Variants in ZNF786 observed in about 807,000 individuals in gnomAD.
ZNF786 encodes the protein zinc finger protein 786.
A neutral mutation model predicts 63.1 loss-of-function variants in ZNF786; 56 were observed. That is an observed-to-expected ratio of 0.89 (90% CI 0.72 to 1.11). The LOEUF is 1.11. Ranked by LOEUF, ZNF786 falls within the 50% of genes least tolerant of loss-of-function variation. The pLI, the probability that ZNF786 is intolerant of heterozygous loss-of-function variation, is 0.00. For missense variants in ZNF786, 1,213 were observed against 1,041.8 expected (o/e 1.16, Z -2.26); for synonymous variants, 485 against 406.9 (o/e 1.19, Z -2.31).
chr7:149,083,211 T>G (rs1409854454), intron 1 of ZNF786, among the ~76,000 whole-genome samples: 1 of 151,774 alleles, frequency 6.6e-6, no homozygotes, highest in African/African-American at 2.4e-5. Flanking sequence ...TAGTCATCTT[T>G]AAATTTTTTT....
chr7:149,087,970 G>A (rs894296596), intron 1 of ZNF786, among the ~76,000 whole-genome samples: 1 of 149,368 alleles, frequency 6.7e-6, no homozygotes, highest in African/African-American at 2.5e-5. Flanking sequence ...TCTGTAGAGA[G>A]GGGTCTCACC....
In ZNF786 at chr7:149,071,769, T is replaced by C. The variant is rs750158225; in HGVS notation, c.1003A>G (p.Ser335Gly). ...SWREGRGASS[S>G]VHSGQKPGSR... ...CCTGGTTTCTGTCCCGAGTGCACAC[T>C]GCTGGAGGCCCCGCGGCCTTCTCTC... The change falls in exon 4 of 4, where the codon AGT becomes GGT. Residue 335 changes from serine (S) to glycine (G), a missense_variant. Coordinates refer to ENST00000491431, the MANE Select transcript of ZNF786 (RefSeq NM_152411.4). 6 of 1,583,862 alleles carry C rather than the reference T, an allele frequency of 3.8e-6. No homozygotes were observed. Among genetic ancestry groups the C allele is most frequent in the South Asian group, 3.3e-5 (3 of 89,820 alleles).
At position 149,070,533 on chromosome 7, in the gene ZNF786, G is replaced by C. The variant is rs775098812; in HGVS notation, c.2239C>G (p.Leu747Val). 1.9e-6 allele frequency: 3 copies of C among 1,614,054 alleles called. No homozygotes were observed. Among genetic ancestry groups the C allele is most frequent in the South Asian group, 2.2e-5 (2 of 91,088 alleles). The change falls in exon 4 of 4, where the codon CTT becomes GTT. Residue 747 changes from leucine (L) to valine (V), a missense_variant. Physicochemically the swap from Leu to Val is conservative, Grantham distance 32 (BLOSUM62 1). Transcript: ENST00000491431. ...CGKGFIYKSKLAEHIRVHTKS... is the reference protein window; with the variant it reads ...CGKGFIYKSKVAEHIRVHTKS... ...GTGTGTACTCTGATGTGCTCCGCAAGCTTAGACTTGTAAATGAAGCCCTTC... is the reference window on the plus strand; with the variant it reads ...GTGTGTACTCTGATGTGCTCCGCAACCTTAGACTTGTAAATGAAGCCCTTC...
chr7:149,077,417 G>T (rs1320335094), intron 2 of ZNF786, among the ~76,000 whole-genome samples: 2 of 151,396 alleles, frequency 1.3e-5, no homozygotes, highest in South Asian at 2.1e-4. Flanking sequence ...CATGAGGTCA[G>T]CAGATCGAGA....
At chr7:149,074,618 T>C (rs1585463107) in intron 2 of ZNF786, 80 bp from the exon 3 acceptor site, 3 of 1,413,258 alleles carry the variant, frequency 2.1e-6, no homozygotes, top group South Asian at 1.4e-5. Context: ...CAACATTCAC[T>C]CCTGGGACAA....
intron 2 of ZNF786, among the ~76,000 whole-genome samples, chr7:149,075,743 A>C (rs1399579775): frequency 3.1e-5 from 2 of 65,050 alleles, no homozygotes; most frequent in East Asian, 4.1e-3. Flanking sequence ...AGCTCATTGC[A>C]GCCTCAACCT....
At chr7:149,081,588 C>T (rs1472918176) in intron 1 of ZNF786, among the ~76,000 whole-genome samples, 1 of 151,814 alleles carries the variant, frequency 6.6e-6, no homozygotes, top group Non-Finnish European at 1.5e-5. Flanking sequence ...GATTGCCTTC[C>T]AAAAAGAATG....
At chr7:149,074,643 A>T in intron 2 of ZNF786, 105 bp from the exon 3 acceptor site, 8 of 1,222,024 alleles carry the variant, frequency 6.5e-6, no homozygotes, top group Non-Finnish European at 8.7e-6. Context: ...TGAGAACAAC[A>T]TGTCAAAAAA....
intron 2 of ZNF786, among the ~76,000 whole-genome samples, chr7:149,078,122 A>C (rs1235643022): frequency 4.6e-5 from 7 of 151,734 alleles, no homozygotes; most frequent in African/African-American, 1.7e-4. Context: ...CTCAGCCTCC[A>C]AAAGTGCTGG....
intron 3 of ZNF786, 137 bp from the exon 4 acceptor site, chr7:149,072,610 G>T: frequency 1.0e-6 from 1 of 953,396 alleles, no homozygotes; most frequent in Non-Finnish European, 1.5e-6. Flanking sequence ...ACCATGCAGT[G>T]TGATCTGTCT....
Position 149,071,211 on chromosome 7 carries a change from G to A in ZNF786, c.1561C>T (p.Gln521Ter), listed in dbSNP as rs762791749. ...CTCAGGTGCTCACGGAGCTTGCACT[G>A]GTGGGTGAAGCCTCTGCCACACTCG... ...CSECGRGFTH[Q>*]CKLREHLRVH... Residue 521 changes from glutamine to a stop codon, truncating the protein, a stop_gained, in exon 4 of 4, where the codon CAG becomes TAG. Coordinates refer to ENST00000491431, the MANE Select transcript of ZNF786 (RefSeq NM_152411.4). LOFTEE classifies it high-confidence loss of function. 11 of 1,610,864 alleles carry A rather than the reference G, an allele frequency of 6.8e-6. No homozygotes were observed. The highest frequency in any genetic ancestry group is 9.3e-6 in the Non-Finnish European group (11 of 1,178,062).
intron 2 of ZNF786, among the ~76,000 whole-genome samples, chr7:149,077,637 T>G (rs193230645): frequency 1.3e-5 from 2 of 151,018 alleles, no homozygotes; most frequent in East Asian, 3.9e-4. Context: ...CAAAAATAAA[T>G]AAATAAATAA....
At position 149,070,316 on chromosome 7, in the gene ZNF786, A is replaced by G. The variant is rs1450802642; in HGVS notation, c.*107T>C. The G allele has an allele frequency of 2.0e-5, 29 of 1,449,070 alleles. No homozygotes were observed. The highest frequency in any genetic ancestry group is 2.6e-5 in the Non-Finnish European group (28 of 1,072,618). The allele number at this position is 1,449,070 out of a possible 1,614,324, so 89.8% of individuals were successfully genotyped here. ...ACTTGCATGACACTCTTGCTCAAAG[A>G]AGGATACCTGCTCCTAAAACCCGTC... is the stretch of plus-strand genomic sequence containing the variant. On this transcript the variant is annotated 3_prime_UTR_variant, in exon 4 of 4. Transcript: ENST00000491431.
intron 1 of ZNF786, among the ~76,000 whole-genome samples, chr7:149,086,499 G>A (rs965291515): frequency 6.6e-6 from 1 of 152,058 alleles, no homozygotes. Flanking sequence ...GTGGTGGCAG[G>A]GGCCTGTAAT....
At chr7:149,079,015 G>T (rs572776198) in intron 2 of ZNF786, among the ~76,000 whole-genome samples, 84 of 152,284 alleles carry the variant, frequency 5.5e-4, no homozygotes, top group African/African-American at 1.9e-3. Context: ...GATAAATCAA[G>T]TTATTGGAAG....
At chr7:149,089,248 G>A (rs556166952) in intron 1 of ZNF786, among the ~76,000 whole-genome samples, 6 of 152,168 alleles carry the variant, frequency 3.9e-5, no homozygotes, top group African/African-American at 1.2e-4. Flanking sequence ...CACCACGCCC[G>A]GCCCTGTTGA....
chr7:149,086,712 G>C (rs949590918), intron 1 of ZNF786, among the ~76,000 whole-genome samples: 4 of 151,984 alleles, frequency 2.6e-5, no homozygotes, highest in Non-Finnish European at 5.9e-5. Context: ...CAAGACAGAA[G>C]GGGGGATGTC....
At position 149,070,632 on chromosome 7, in the gene ZNF786, G is replaced by A. The variant is rs974524524; in HGVS notation, c.2140C>T (p.Arg714Trp). Residue 714 changes from arginine (R) to tryptophan (W), a missense_variant, in exon 4 of 4, where the codon CGG (arginine) becomes TGG (tryptophan). Coordinates refer to ENST00000491431, the MANE Select transcript of ZNF786 (RefSeq NM_152411.4). Reference sequence around the variant, plus strand: ...TGCCTCAGCATGTGTCCCCTTTCCCGGAAGTTCTTGTCACACTCAGGGCAG... The same window carrying A: ...TGCCTCAGCATGTGTCCCCTTTCCCAGAAGTTCTTGTCACACTCAGGGCAG... ...FHCPECDKNF[R>W]ERGHMLRHQR... The A allele has an allele frequency of 5.6e-6, 9 of 1,613,952 alleles. No individual in the cohort carries two copies. The East Asian group carries it at 1.6e-4, about 28-fold the overall frequency.
At chr7:149,076,055 C>T (rs1211959029) in intron 2 of ZNF786, among the ~76,000 whole-genome samples, 1 of 151,986 alleles carries the variant, frequency 6.6e-6, no homozygotes, top group Admixed American at 6.6e-5. Context: ...ATCTGGTGTA[C>T]ATTATTCCTA....
Sources: allele counts gnomAD v4.1 joint callset (sites outside exome capture counted in the v4.1 genomes callset), GRCh38; gene constraint gnomAD v4.1.1; transcripts MANE v1.5; gene names NCBI Gene and HGNC (gene_info 2026-07-23, HGNC 2026-07-21).